The following NAALADL2 variants were observed in gnomAD, a reference collection of about 807,000 sequenced individuals.
The protein encoded by NAALADL2 is inactive N-acetylated-alpha-linked acidic dipeptidase-like protein 2.
NAALADL2 carries 76 observed loss-of-function variants against 87.2 expected under a neutral mutation model. That is an observed-to-expected ratio of 0.87 (90% CI 0.72 to 1.05). The LOEUF (loss-of-function observed/expected upper bound fraction) is 1.05. NAALADL2 is among the 50% of genes least tolerant of loss of function. The probability of loss-of-function intolerance (pLI) is 0.00; values close to 1 mark genes in which losing one functional copy is unlikely to be tolerated. For synonymous variants in NAALADL2, 354 were observed against 331.0 expected, an observed-to-expected ratio of 1.07 and a Z score of -0.75; for missense variants, 1,089 against 945.8, an observed-to-expected ratio of 1.15 and a Z score of -1.99.
At chr3:175,548,521 G>T (rs1713776538) in intron 9 of NAALADL2, among the ~76,000 whole-genome samples, 1 of 151,914 alleles carries the variant, frequency 6.6e-6, no homozygotes, top group Admixed American at 6.6e-5. Flanking sequence ...TACCTATGTA[G>T]CAAACTTGCA....
intron 2 of NAALADL2, among the ~76,000 whole-genome samples, chr3:175,204,714 G>A (rs888257162): frequency 1.3e-5 from 2 of 152,144 alleles, no homozygotes; most frequent in Admixed American, 6.5e-5. Context: ...TCTCCAGAAA[G>A]CTCCTAGAAC....
chr3:174,908,033 T>G (rs1208836903), intron 1 of NAALADL2, among the ~76,000 whole-genome samples: 5 of 149,634 alleles, frequency 3.3e-5, no homozygotes, highest in East Asian at 1.9e-4. Flanking sequence ...TTTTTTTTTT[T>G]TTTTTTTTTT....
At chr3:175,051,716 T>C (rs1755415079) in intron 1 of NAALADL2, among the ~76,000 whole-genome samples, 1 of 152,182 alleles carries the variant, frequency 6.6e-6, no homozygotes, top group Non-Finnish European at 1.5e-5. Context: ...GTGTGGACTT[T>C]AGGAGGTGAA....
At chr3:174,522,850 C>T (rs368539213) in intron 1 of NAALADL2, among the ~76,000 whole-genome samples, 3 of 138,860 alleles carry the variant, frequency 2.2e-5, no homozygotes, top group East Asian at 2.4e-4. Flanking sequence ...AGGAGAATGG[C>T]GTGAACCCGG....
chr3:175,058,561 G>A (rs1457388872), intron 1 of NAALADL2, among the ~76,000 whole-genome samples: 6 of 152,118 alleles, frequency 3.9e-5, no homozygotes, highest in African/African-American at 1.2e-4. Flanking sequence ...GCTGAAAATG[G>A]AGGAATGATA....
In NAALADL2 at chr3:175,525,915, T is replaced by G. The variant is rs373621100; in HGVS notation, c.1654-50126T>G. 5.5e-4 allele frequency among the ~76,000 whole-genome samples: 84 copies of G among 152,300 alleles called. No individual in the cohort carries two copies. The South Asian group carries it at 0.017, about 30-fold the overall frequency. ...AAAAGTAACACTTTAGCATTAGTCTTTCTCTAAGGGATATAAAAGCCAACG... is the reference window on the plus strand; with the variant it reads ...AAAAGTAACACTTTAGCATTAGTCTGTCTCTAAGGGATATAAAAGCCAACG... On this transcript the variant is annotated intron_variant, in intron 9 of 13. Transcript: ENST00000454872.
intron 1 of NAALADL2, among the ~76,000 whole-genome samples, chr3:174,542,476 G>C (rs552491087): frequency 6.0e-4 from 92 of 152,264 alleles, no homozygotes; most frequent in African/African-American, 2.1e-3. Flanking sequence ...TGGAAGTCTG[G>C]TGCCAGCATC....
intron 3 of NAALADL2, among the ~76,000 whole-genome samples, chr3:174,744,353 C>T (rs1159710910): frequency 1.3e-5 from 2 of 151,632 alleles, no homozygotes. Context: ...AAGAAGGCCA[C>T]TAGCATTACA....
chr3:175,371,184 G>A (rs1368980288), intron 5 of NAALADL2, among the ~76,000 whole-genome samples: 1 of 151,998 alleles, frequency 6.6e-6, no homozygotes, highest in East Asian at 1.9e-4. Context: ...CATCTTAAAA[G>A]TTCTCCTTCA....
intron 2 of NAALADL2, among the ~76,000 whole-genome samples, chr3:175,103,769 G>T (rs1722636533): frequency 6.6e-6 from 1 of 152,072 alleles, no homozygotes; most frequent in Non-Finnish European, 1.5e-5. Context: ...ACTATCAACA[G>T]CAAGAAACAC....
chr3:175,205,206 A>G (rs569376199), intron 2 of NAALADL2, among the ~76,000 whole-genome samples: 97 of 152,292 alleles, frequency 6.4e-4, no homozygotes, highest in African/African-American at 2.2e-3. Flanking sequence ...TTCAAACTAT[A>G]CTATAAAGCC....
At chr3:174,995,183 T>G (rs993026354) in intron 1 of NAALADL2, among the ~76,000 whole-genome samples, 1 of 150,932 alleles carries the variant, frequency 6.6e-6, no homozygotes, top group Non-Finnish European at 1.5e-5. Context: ...TATAATTTGG[T>G]TTTTAAATAA....
intron 13 of NAALADL2, chr3:175,773,258 G>C (rs540738833): frequency 2.6e-5 from 4 of 152,248 alleles, no homozygotes; most frequent in East Asian, 3.9e-4. Flanking sequence ...TCCTCAAAGA[G>C]TGTCATTTGC....
chr3:174,964,141 T>C (rs936221258), intron 1 of NAALADL2, among the ~76,000 whole-genome samples: 11 of 152,124 alleles, frequency 7.2e-5, no homozygotes, highest in African/African-American at 2.7e-4. Context: ...TGTAATGAAA[T>C]AGTTATTCAT....
At chr3:175,142,196 AT>A in intron 2 of NAALADL2, among the ~76,000 whole-genome samples, 1 of 151,980 alleles carries the variant, frequency 6.6e-6, no homozygotes, top group Non-Finnish European at 1.5e-5. Flanking sequence ...AAATTTAACC[AT>A]TTTTCATTTG....
intron 1 of NAALADL2, among the ~76,000 whole-genome samples, chr3:175,094,119 GT>G (rs1233314795): frequency 2.4e-5 from 3 of 125,082 alleles, no homozygotes; most frequent in East Asian, 2.4e-4. Context: ...ACGATTCAAT[GT>G]TTTTTAAAAA....
intron 2 of NAALADL2, among the ~76,000 whole-genome samples, chr3:174,694,069 C>T (rs1349939206): frequency 2.0e-5 from 3 of 152,110 alleles, no homozygotes; most frequent in Non-Finnish European, 4.4e-5. Context: ...AATTGGTTAT[C>T]TTTGCAAGAC....
At chr3:174,971,665 C>CTGTGTGTGTGTGTGTGTGTG (rs10662918) in intron 1 of NAALADL2, among the ~76,000 whole-genome samples, 1 of 144,724 alleles carries the variant, frequency 6.9e-6, no homozygotes, top group African/African-American at 2.6e-5. Flanking sequence ...GTATGCTAGA[C>CTGTGTGTGTGTGTGTGTGTG]TGTGTGTGTG....
At chr3:175,802,896 T>C (rs899296242) in intron 13 of NAALADL2, 109 bp from the exon 14 acceptor site, 19 of 689,380 alleles carry the variant, frequency 2.8e-5, no homozygotes, top group Non-Finnish European at 3.9e-5. Context: ...TTTTTATAAT[T>C]TATTCATTTA....
Sources: gnomAD v4.1 joint callset for allele counts (sites outside exome capture counted in the v4.1 genomes callset) on GRCh38, gnomAD v4.1.1 for gene constraint, MANE v1.5 for transcripts, NCBI Gene and HGNC (gene_info 2026-07-23, HGNC 2026-07-21) for gene names.